SLC24A3: variants seen among roughly 807,000 people sequenced by gnomAD.
SLC24A3 encodes the protein solute carrier family 24 member 3, also known as sodium/potassium/calcium exchanger 3.
SLC24A3 carries 28 observed loss-of-function variants against 75.8 expected under a neutral mutation model. That is an observed-to-expected ratio of 0.37 (90% CI 0.27 to 0.51). SLC24A3 has a LOEUF of 0.51. Among genes scored for constraint, SLC24A3 ranks in the 20% least tolerant of loss-of-function variants. The pLI, the probability that SLC24A3 is intolerant of heterozygous loss-of-function variation, is 0.94. For missense variants in SLC24A3, 663 were observed against 847.8 expected (o/e 0.78, Z 2.71); for synonymous variants, 372 against 334.1 (o/e 1.11, Z -1.24).
At chr20:19,415,686 C>T (rs1052464372) in intron 2 of SLC24A3, among the ~76,000 whole-genome samples, 3 of 151,072 alleles carry the variant, frequency 2.0e-5, no homozygotes, top group Non-Finnish European at 2.9e-5. Context: ...TCAGGGATTT[C>T]GGCTTTCTCT....
chr20:19,601,678 G>A (rs1441401819), intron 6 of SLC24A3, among the ~76,000 whole-genome samples: 2 of 152,132 alleles, frequency 1.3e-5, no homozygotes, highest in Non-Finnish European at 2.9e-5. Context: ...GAATGTTCAC[G>A]GCCATGCTAC....
chr20:19,313,491 C>G (rs530380531), intron 2 of SLC24A3, among the ~76,000 whole-genome samples: 1 of 152,272 alleles, frequency 6.6e-6, no homozygotes, highest in Non-Finnish European at 1.5e-5. Context: ...GCTCTGGGCT[C>G]TGTACTTGAG....
chr20:19,433,641 T>C (rs554284066), intron 2 of SLC24A3, among the ~76,000 whole-genome samples: 1 of 152,260 alleles, frequency 6.6e-6, no homozygotes, highest in African/African-American at 2.4e-5. Flanking sequence ...TGAAAAAATA[T>C]AAAGTATTAA....
At chr20:19,639,687 G>C (rs965802792) in intron 6 of SLC24A3, among the ~76,000 whole-genome samples, 22 of 152,228 alleles carry the variant, frequency 1.4e-4, no homozygotes, top group Admixed American at 2.6e-4. Context: ...AGGGGGCGGC[G>C]CTCAATGGGG....
chr20:19,543,590 C>G (rs955420198), intron 3 of SLC24A3, among the ~76,000 whole-genome samples: 5 of 152,126 alleles, frequency 3.3e-5, no homozygotes, highest in Non-Finnish European at 7.3e-5. Context: ...GAGAGGTCTC[C>G]CCACAGCAGC....
At chr20:19,236,935 G>A (rs558149049) in intron 1 of SLC24A3, among the ~76,000 whole-genome samples, 1 of 152,162 alleles carries the variant, frequency 6.6e-6, no homozygotes, top group East Asian at 1.9e-4. Flanking sequence ...TCTATTTTTC[G>A]GTAGAGTTTC....
intron 2 of SLC24A3, among the ~76,000 whole-genome samples, chr20:19,315,046 A>T (rs1316622948): frequency 1.3e-5 from 2 of 152,228 alleles, no homozygotes; most frequent in African/African-American, 4.8e-5. Context: ...TGTGCTGGCA[A>T]TCAGGTCACT....
intron 6 of SLC24A3, among the ~76,000 whole-genome samples, chr20:19,648,682 A>G (rs998501201): frequency 6.6e-5 from 10 of 152,234 alleles, no homozygotes; most frequent in Non-Finnish European, 4.4e-5. Flanking sequence ...TGGTTTTATC[A>G]TAAACAATTA....
chr20:19,545,878 G>A (rs935905883), intron 3 of SLC24A3, among the ~76,000 whole-genome samples: 5 of 152,124 alleles, frequency 3.3e-5, no homozygotes, highest in South Asian at 2.1e-4. Flanking sequence ...GTCATCGACC[G>A]GCCAGGCATG....
intron 2 of SLC24A3, among the ~76,000 whole-genome samples, chr20:19,298,020 G>A (rs73124897): frequency 0.027 from 4,147 of 152,332 alleles, 79 homozygotes; most frequent in Non-Finnish European, 0.04. Context: ...CAGTAAGTGG[G>A]AGGAGAGAAG....
chr20:19,336,411 T>A (rs1032294539), intron 2 of SLC24A3, among the ~76,000 whole-genome samples: 10 of 151,728 alleles, frequency 6.6e-5, no homozygotes, highest in African/African-American at 2.4e-4. Flanking sequence ...TTATTTATTT[T>A]TTTGAGACGG....
chr20:19,522,849 G>A (rs988061014), intron 3 of SLC24A3, among the ~76,000 whole-genome samples: 5 of 151,584 alleles, frequency 3.3e-5, no homozygotes, highest in Non-Finnish European at 5.9e-5. Flanking sequence ...ATGTGATGTT[G>A]TAATTACATT....
intron 2 of SLC24A3, among the ~76,000 whole-genome samples, chr20:19,458,365 TGTC>T (rs1050337713): frequency 5.3e-5 from 8 of 152,222 alleles, no homozygotes; most frequent in African/African-American, 1.9e-4. Flanking sequence ...TTTTTAAAAT[TGTC>T]GTAAATACAA....
chr20:19,581,540 T>A (rs1287916435), intron 4 of SLC24A3, among the ~76,000 whole-genome samples: 2 of 152,120 alleles, frequency 1.3e-5, no homozygotes, highest in Non-Finnish European at 2.9e-5. Context: ...AAAAAAGTTA[T>A]AAGGAGAGGA....
intron 6 of SLC24A3, among the ~76,000 whole-genome samples, chr20:19,591,543 G>C (rs148567224): frequency 6.6e-6 from 1 of 151,272 alleles, no homozygotes; most frequent in East Asian, 2.0e-4. Context: ...CAGGCCTCAG[G>C]TACACATACC....
chr20:19,371,948 C>T (rs1163804382), intron 2 of SLC24A3, among the ~76,000 whole-genome samples: 1 of 152,160 alleles, frequency 6.6e-6, no homozygotes, highest in African/African-American at 2.4e-5. Context: ...ATGTCTGTGT[C>T]TCAGGCAGCA....
At chr20:19,324,504 G>A (rs1424001565) in intron 2 of SLC24A3, among the ~76,000 whole-genome samples, 3 of 152,176 alleles carry the variant, frequency 2.0e-5, no homozygotes, top group African/African-American at 7.2e-5. Flanking sequence ...GGCACTAAGT[G>A]GTGTCACAGT....
At chr20:19,584,244 G>T (rs139420087) in intron 4 of SLC24A3, among the ~76,000 whole-genome samples, 136 of 152,236 alleles carry the variant, frequency 8.9e-4, no homozygotes, top group African/African-American at 3.1e-3. Flanking sequence ...CCCCGTCTTG[G>T]CAGGGCTGAT....
chr20:19,414,252 C>G lies in SLC24A3; in HGVS notation c.272-101236C>G, dbSNP rs371944577. On this transcript the variant is annotated intron_variant, in intron 2 of 16. Coordinates refer to ENST00000328041, the MANE Select transcript of SLC24A3 (RefSeq NM_020689.4). The stretch of plus-strand genomic sequence containing the variant: ...TAACTAGCCCATTATAAATCAAGAG[C>G]CTTAAAACAGGTGGATACGTTTTGA... Among the ~76,000 whole-genome samples, 9 of 152,274 alleles carry G rather than the reference C, an allele frequency of 5.9e-5. No individual in the cohort carries two copies. The East Asian group carries it at 1.2e-3, about 20-fold the overall frequency.
Sources: gnomAD v4.1 joint callset for allele counts (sites outside exome capture counted in the v4.1 genomes callset) on GRCh38, gnomAD v4.1.1 for gene constraint, MANE v1.5 for transcripts, NCBI Gene and HGNC (gene_info 2026-07-23, HGNC 2026-07-21) for gene names.